Variants in FCMR observed in about 807,000 individuals in gnomAD.
FCMR encodes the protein immunoglobulin mu Fc receptor.
In FCMR, 34 loss-of-function variants were observed where a neutral mutation model predicts 41.6. The ratio of observed to expected loss-of-function variants is 0.82; its 90% CI spans 0.62 to 1.09. FCMR has a LOEUF of 1.09. FCMR is among the 50% of genes least tolerant of loss of function. The probability of loss-of-function intolerance (pLI) is 0.00; values close to 1 mark genes in which losing one functional copy is unlikely to be tolerated. For missense variants in FCMR, 496 were observed against 512.5 expected, an observed-to-expected ratio of 0.97 and a Z score of 0.31; for synonymous variants, 209 against 211.8, an observed-to-expected ratio of 0.99 and a Z score of 0.12.
At chr1:206,921,591 CACCTG>C (rs984303857) in intron 1 of FCMR, among the ~76,000 whole-genome samples, 3 of 152,154 alleles carry the variant, frequency 2.0e-5, no homozygotes, top group Non-Finnish European at 2.9e-5. Flanking sequence ...ATAGAGTTAA[CACCTG>C]ACTGAAACAG....
chr1:206,909,799 C>G lies in FCMR; in HGVS notation c.911G>C (p.Gly304Ala), dbSNP rs1678840982. ...GTTTTGGGAGCGCGGTCGCGGCGAC[C>G]CGCGGGGCCTCTGGGAGCTCTCCAG... ...RALESSQRPR[G>A]SPRPRSQNNI... The change falls in exon 6 of 8, where the codon GGG becomes GCG. Residue 304 changes from glycine to alanine, a missense_variant. By Grantham distance (60) the Gly-to-Ala change is moderately conservative. Transcript: ENST00000367091. This position sits in a 1 kb window ranked among gnomAD's most constrained non-coding sequence, Gnocchi z 5.0. The G allele has an allele frequency of 1.4e-6, 2 of 1,438,882 alleles. No individual in the cohort carries two copies. Among genetic ancestry groups the G allele is most frequent in the South Asian group, 2.9e-5 (2 of 68,750 alleles). The allele number at this position is 1,438,882 out of a possible 1,614,324, so 89.1% of individuals were successfully genotyped here. A position where few individuals can be genotyped will look rare whatever the true frequency, so the allele number is the denominator to read the frequency against.
chr1:206,909,408 C>G lies in FCMR; in HGVS notation c.1044+54G>C. On this transcript the variant is annotated intron_variant, in intron 7 of 7. Transcript: ENST00000367091. The surrounding 1 kb of genome is among the most constrained non-coding windows in gnomAD (Gnocchi z 5.0). Reference sequence around the variant, plus strand: ...GCCACACTCGGGTCCCCGCCCAGGGCTGGGGCCGCCCAGTCGGGCCGCGGC... The same window carrying G: ...GCCACACTCGGGTCCCCGCCCAGGGGTGGGGCCGCCCAGTCGGGCCGCGGC... 1 of 1,131,288 alleles carries G rather than the reference C, an allele frequency of 8.8e-7. No individual in the cohort carries two copies. Among genetic ancestry groups the G allele is most frequent in the Non-Finnish European group, 1.1e-6 (1 of 894,352 alleles). 70.1% of individuals were successfully genotyped at this position (1,131,288 alleles called of 1,614,324 possible).
intron 2 of FCMR, 197 bp downstream of exon 2, chr1:206,913,562 A>G: frequency 3.3e-6 from 2 of 601,698 alleles, no homozygotes; most frequent in East Asian, 2.7e-5. Flanking sequence ...TGTTCTTTTC[A>G]TACATGTTGG....
chr1:206,905,196 A>G (rs750238927), intron 7 of FCMR, 49 bp from the exon 8 acceptor site: 25 of 1,608,636 alleles, frequency 1.6e-5, no homozygotes, highest in Middle Eastern at 1.7e-4. Context: ...GGTGATTTTA[A>G]TATCTCCCCA....
intron 1 of FCMR, among the ~76,000 whole-genome samples, chr1:206,916,575 C>T (rs1403975321): frequency 6.6e-6 from 1 of 152,230 alleles, no homozygotes; most frequent in Non-Finnish European, 1.5e-5. Flanking sequence ...GCTGGCTATG[C>T]TGAGCTCTGG....
intron 5 of FCMR, 22 bp downstream of exon 5, chr1:206,910,188 C>A: frequency 1.3e-6 from 2 of 1,579,650 alleles, no homozygotes; most frequent in South Asian, 2.4e-5. Context: ...TCAGCTCTCC[C>A]TACCGAAGCC....
chr1:206,922,330 G>C (rs1029827507), upstream of FCMR, among the ~76,000 whole-genome samples: 1 of 152,182 alleles, frequency 6.6e-6, no homozygotes, highest in Admixed American at 6.5e-5. Flanking sequence ...AGACGCTTGG[G>C]CCTGAAGTCA....
chr1:206,912,820 A>T lies in FCMR; in HGVS notation c.487+109T>A, dbSNP rs1679002182. On this transcript the variant is annotated intron_variant, in intron 3 of 7. Transcript: ENST00000367091. ...GGCAGGGAATACACACCTAAGACTC[A>T]GCTCAGCTCTGCCAGCCACTCTATG... 3.9e-6 allele frequency: 3 copies of T among 771,800 alleles called. No homozygotes were observed. In the South Asian group the frequency reaches 4.4e-5, roughly 11 times the overall value. 47.8% of individuals were successfully genotyped at this position (771,800 alleles called of 1,614,324 possible). A position where few individuals can be genotyped will look rare whatever the true frequency, so the allele number is the denominator to read the frequency against.
intron 4 of FCMR, among the ~76,000 whole-genome samples, chr1:206,911,475 A>T (rs1678937283): frequency 6.6e-6 from 1 of 152,238 alleles, no homozygotes; most frequent in Non-Finnish European, 1.5e-5. Context: ...CTTCCCCATA[A>T]AAATAGATCT....
intron 1 of FCMR, among the ~76,000 whole-genome samples, chr1:206,917,612 C>T (rs1679246595): frequency 6.6e-6 from 1 of 152,112 alleles, no homozygotes; most frequent in Admixed American, 6.6e-5. Context: ...ACATGTCCTG[C>T]TATTGCCCAT....
At chr1:206,921,775 A>G (rs766181369) in intron 1 of FCMR, 43 bp downstream of exon 1, 1 of 1,587,764 alleles carries the variant, frequency 6.3e-7, no homozygotes, top group African/African-American at 1.3e-5. Flanking sequence ...TGGCCAATTC[A>G]AGCCTCATTC....
rs775873878 is a variant in FCMR at position 206,914,000 on chromosome 1, C to T, written c.132G>A (p.Val44=). ...TIKCPLPEMH[V]RIYLCREMAG... is the part of the protein sequence containing the mutation. ...CCATCTCCCGGCACAGATATATCCT[C>T]ACATGCATTTCAGGAAGTGGGCACT... The change falls in exon 2 of 8, where the codon GTG becomes GTA. Residue 44 remains valine, a synonymous_variant. Transcript: ENST00000367091. The T allele has an allele frequency of 2.5e-6, 4 of 1,614,212 alleles. No individual in the cohort carries two copies. The Middle Eastern group carries it at 4.9e-4, about 200-fold the overall frequency.
At chr1:206,916,455 A>G (rs1679196855) in intron 1 of FCMR, among the ~76,000 whole-genome samples, 1 of 152,238 alleles carries the variant, frequency 6.6e-6, no homozygotes, top group Admixed American at 6.5e-5. Context: ...TCACCCATGT[A>G]GCAACCTCCA....
In FCMR at chr1:206,906,924, A is replaced by AGCT. The variant is rs538208881; in HGVS notation, c.1045-1780_1045-1778dup. ...ACCTTGTGCACATATTTTCGAAGCA[A>AGCT]GCTGCTGCTGCTTCCCTCTTTAGTA... is the stretch of plus-strand genomic sequence containing the variant. On this transcript the variant is annotated intron_variant, in intron 7 of 7. Coordinates refer to ENST00000367091, the MANE Select transcript of FCMR (RefSeq NM_005449.5). 8.7e-4 allele frequency among the ~76,000 whole-genome samples: 132 copies of AGCT among 152,056 alleles called. 1 individual carries two copies. In the East Asian group the frequency reaches 0.019, roughly 21 times the overall value.
At position 206,907,608 on chromosome 1, in the gene FCMR, G is replaced by T. The variant is rs989472707; in HGVS notation, c.1044+1854C>A. On this transcript the variant is annotated intron_variant, in intron 7 of 7. Transcript: ENST00000367091. ...AACAAGGGATTTTCTTTTCCCAGGC[G>T]GCTGCCGAAGATGGCGGGGGTGCAG... 8.3e-6 allele frequency: 6 copies of T among 722,932 alleles called. No individual in the cohort carries two copies. The African/African-American group carries it at 8.7e-5, about 10-fold the overall frequency. 44.8% of individuals were successfully genotyped at this position (722,932 alleles called of 1,614,324 possible). A position where few individuals can be genotyped will look rare whatever the true frequency, so the allele number is the denominator to read the frequency against.
chr1:206,913,310 G>C (rs1679024235), intron 2 of FCMR, among the ~76,000 whole-genome samples: 1 of 152,206 alleles, frequency 6.6e-6, no homozygotes, highest in Non-Finnish European at 1.5e-5. Context: ...GAACTCAGTG[G>C]AGGAAAGGAG....
chr1:206,911,903 G>A lies in FCMR; in HGVS notation c.537C>T (p.Ser179=), dbSNP rs749071398. The part of the protein sequence containing the change: ...RGKVPPVHHS[S]PTTQITHRPR... ...GGCGGTGGGTGATTTGGGTGGTGGGGGAGGAGTGGTGAACTGGAGGGACCT... is the reference window on the plus strand; with the variant it reads ...GGCGGTGGGTGATTTGGGTGGTGGGAGAGGAGTGGTGAACTGGAGGGACCT... Residue 179 remains serine (S), a synonymous_variant, in exon 4 of 8, where the codon TCC becomes TCT. Transcript: ENST00000367091. 1.2e-6 allele frequency: 2 copies of A among 1,605,700 alleles called. No individual in the cohort carries two copies. The highest frequency in any genetic ancestry group is 8.5e-7 in the Non-Finnish European group (1 of 1,177,512).
intron 7 of FCMR, chr1:206,907,862 C>T (rs547981561): frequency 1.5e-6 from 2 of 1,360,390 alleles, no homozygotes; most frequent in East Asian, 4.6e-5. Context: ...CATCTTGTGG[C>T]ACAAGTACGA....
At position 206,910,291 on chromosome 1, in the gene FCMR, T is replaced by A. The variant is rs566552943; in HGVS notation, c.760A>T (p.Ile254Phe). The change falls in exon 5 of 8, where the codon ATC becomes TTC. Residue 254 changes from isoleucine to phenylalanine, a missense_variant. Ile to Phe is a conservative substitution (Grantham distance 21). Transcript: ENST00000367091. The stretch of plus-strand genomic sequence containing the variant: ...AGGCCCAGGATGGTCGGGATCAGGA[T>A]GTGAAATCCTTGGCCTTCCCTCCCA... ...QSGREGQGFH[I>F]LIPTILGLFL... The A allele has an allele frequency of 3.4e-5, 54 of 1,576,268 alleles. No individual in the cohort carries two copies. The highest frequency in any genetic ancestry group is 1.7e-4 in the Middle Eastern group (1 of 5,980).
Sources: gnomAD v4.1 joint callset for allele counts (sites outside exome capture counted in the v4.1 genomes callset) on GRCh38, gnomAD v4.1.1 for gene constraint, Gnocchi (gnomAD v3.1) non-coding constraint, MANE v1.5 for transcripts, NCBI Gene and HGNC (gene_info 2026-07-23, HGNC 2026-07-21) for gene names.